The following RCAN2 variants were observed in gnomAD, a reference collection of about 807,000 sequenced individuals.
The protein encoded by RCAN2 is calcipressin-2.
In RCAN2, 9 loss-of-function variants were observed where a neutral mutation model predicts 23.6. The observed-to-expected ratio is 0.38, with a 90% CI of 0.23 to 0.67. The LOEUF (loss-of-function observed/expected upper bound fraction) is 0.67. RCAN2 is among the 30% of genes least tolerant of loss of function. The probability of loss-of-function intolerance (pLI) is 0.51; values close to 1 mark genes in which losing one functional copy is unlikely to be tolerated. For missense variants in RCAN2, 273 were observed against 302.3 expected (o/e 0.90, Z 0.72); for synonymous variants, 109 against 115.7 (o/e 0.94, Z 0.37).
chr6:46,418,969 T>C (rs1766789062), intron 2 of RCAN2, among the ~76,000 whole-genome samples: 1 of 151,416 alleles, frequency 6.6e-6, no homozygotes. Flanking sequence ...ACACCTGTAG[T>C]CCTAGCTACT....
chr6:46,395,106 C>T (rs1489167176), intron 2 of RCAN2, among the ~76,000 whole-genome samples: 1 of 152,114 alleles, frequency 6.6e-6, no homozygotes, highest in East Asian at 1.9e-4. Flanking sequence ...TGACTTCTGA[C>T]ACGTCAAGTT....
At chr6:46,262,337 GC>G (rs1767137212) in intron 2 of RCAN2, among the ~76,000 whole-genome samples, 1 of 152,028 alleles carries the variant, frequency 6.6e-6, no homozygotes, top group Admixed American at 6.6e-5. Flanking sequence ...TCTCCCATCA[GC>G]CCCCTGTTCA....
chr6:46,248,734 A>G lies in RCAN2; in HGVS notation c.388T>C (p.Tyr130His), dbSNP rs1485767625. Reference sequence around the variant, plus strand: ...AACAATTACCTTACCTGTGCAAAGTAGAGCTTTAATTTTTTCCCTCTGAAT... The same window carrying G: ...AACAATTACCTTACCTGTGCAAAGTGGAGCTTTAATTTTTTCCCTCTGAAT... ...TQFRGKKLKL[Y>H]FAQVQTPETD... The change falls in exon 3 of 5, where the codon TAC becomes CAC. Residue 130 changes from tyrosine to histidine, a missense_variant. Transcript: ENST00000371374. 1.9e-6 allele frequency: 3 copies of G among 1,609,200 alleles called. No individual in the cohort carries two copies. The highest frequency in any genetic ancestry group is 2.5e-6 in the Non-Finnish European group (3 of 1,178,518).
intron 1 of RCAN2, among the ~76,000 whole-genome samples, chr6:46,487,123 C>T (rs1769014854): frequency 6.6e-6 from 1 of 152,194 alleles, no homozygotes; most frequent in Non-Finnish European, 1.5e-5. Flanking sequence ...TGTCCCCTCT[C>T]TATTCTATGC....
chr6:46,280,265 C>G (rs912632707), intron 2 of RCAN2, among the ~76,000 whole-genome samples: 2 of 152,002 alleles, frequency 1.3e-5, no homozygotes, highest in South Asian at 4.2e-4. Context: ...TTCAAGGGAG[C>G]ATTTAAAGGT....
In RCAN2 at chr6:46,221,653, C is replaced by T. The variant is rs1284482055; in HGVS notation, c.*1488G>A. 1 of 335,034 alleles carries T rather than the reference C, an allele frequency of 3.0e-6. No individual in the cohort carries two copies. Among genetic ancestry groups the T allele is most frequent in the African/African-American group, 2.1e-5 (1 of 47,240 alleles). The allele number at this position is 335,034 out of a possible 1,614,324, so 20.8% of individuals were successfully genotyped here. A position where few individuals can be genotyped will look rare whatever the true frequency, so the allele number is the denominator to read the frequency against. On this transcript the variant is annotated 3_prime_UTR_variant, in exon 5 of 5. Transcript: ENST00000371374. ...TCTATGTTTTAAGTTTCTGATGAAA[C>T]TAACATACACCTTAGTCAAAAACCA...
intron 2 of RCAN2, among the ~76,000 whole-genome samples, chr6:46,292,309 C>A (rs912727661): frequency 6.6e-6 from 1 of 152,104 alleles, no homozygotes; most frequent in Non-Finnish European, 1.5e-5. Context: ...ATTATTTCAA[C>A]TTTTTAAAAG....
intron 2 of RCAN2, among the ~76,000 whole-genome samples, chr6:46,356,912 T>A (rs1764849019): frequency 6.6e-6 from 1 of 152,206 alleles, no homozygotes. Flanking sequence ...CCTATCAAGT[T>A]CAACAGGTGG....
At chr6:46,336,953 C>A (rs1236553432) in intron 2 of RCAN2, among the ~76,000 whole-genome samples, 151 of 130,222 alleles carry the variant, frequency 1.2e-3, no homozygotes, top group East Asian at 1.7e-3. Flanking sequence ...TTGGAAGTAC[C>A]AAAAAAAAAA....
chr6:46,327,865 C>T (rs1763844597), intron 2 of RCAN2, among the ~76,000 whole-genome samples: 1 of 152,186 alleles, frequency 6.6e-6, no homozygotes, highest in South Asian at 2.1e-4. Flanking sequence ...ATGTAATCTG[C>T]TCACACGGGC....
intron 2 of RCAN2, among the ~76,000 whole-genome samples, chr6:46,410,775 CATT>C (rs1197326492): frequency 1.3e-5 from 2 of 152,144 alleles, no homozygotes; most frequent in Admixed American, 6.6e-5. Context: ...CTCAAAAACA[CATT>C]AATAATATTA....
At chr6:46,226,598 G>A (rs1765673446) in intron 4 of RCAN2, among the ~76,000 whole-genome samples, 2 of 152,104 alleles carry the variant, frequency 1.3e-5, no homozygotes, top group African/African-American at 4.8e-5. Context: ...TTGGTTATTG[G>A]TGTATATGAA....
At chr6:46,369,983 C>G (rs915845718) in intron 2 of RCAN2, among the ~76,000 whole-genome samples, 2 of 152,148 alleles carry the variant, frequency 1.3e-5, no homozygotes, top group Non-Finnish European at 2.9e-5. Context: ...TTGGAGGACA[C>G]TGCTTTGGCT....
At chr6:46,405,911 G>A (rs1464430764) in intron 2 of RCAN2, among the ~76,000 whole-genome samples, 1 of 152,194 alleles carries the variant, frequency 6.6e-6, no homozygotes. Context: ...GCCCTGCCCC[G>A]CGGGAAGGCA....
intron 2 of RCAN2, among the ~76,000 whole-genome samples, chr6:46,252,345 A>G (rs1766758755): frequency 6.6e-6 from 1 of 152,048 alleles, no homozygotes; most frequent in Non-Finnish European, 1.5e-5. Context: ...TCTGGCTCCC[A>G]TTTTTCTCCA....
chr6:46,300,510 C>G (rs778308800), intron 2 of RCAN2, among the ~76,000 whole-genome samples: 2 of 152,002 alleles, frequency 1.3e-5, no homozygotes, highest in African/African-American at 4.8e-5. Context: ...AAAGAACCCA[C>G]AGATCCCTGA....
At chr6:46,311,592 G>A (rs1763262061) in intron 2 of RCAN2, among the ~76,000 whole-genome samples, 1 of 152,130 alleles carries the variant, frequency 6.6e-6, no homozygotes, top group South Asian at 2.1e-4. Flanking sequence ...CAGCCTACCG[G>A]GCCGTAATCT....
chr6:46,401,870 G>C (rs1246958321), intron 2 of RCAN2, among the ~76,000 whole-genome samples: 2 of 152,120 alleles, frequency 1.3e-5, no homozygotes, highest in African/African-American at 4.8e-5. Context: ...GAATTCCCCA[G>C]ACACATCTGA....
At chr6:46,256,080 G>GGGTTGGA (rs1322398471) in intron 2 of RCAN2, among the ~76,000 whole-genome samples, 3 of 152,018 alleles carry the variant, frequency 2.0e-5, no homozygotes, top group South Asian at 2.1e-4. Context: ...GTTAGAATAG[G>GGGTTGGA]GGTTGGAGGC....
Sources: allele counts gnomAD v4.1 joint callset (sites outside exome capture counted in the v4.1 genomes callset), GRCh38; gene constraint gnomAD v4.1.1; transcripts MANE v1.5; gene names NCBI Gene and HGNC (gene_info 2026-07-23, HGNC 2026-07-21).